The following ELF5 variants were observed in gnomAD, a reference collection of about 807,000 sequenced individuals.
ELF5 encodes the protein ETS-related transcription factor Elf-5.
ELF5 carries 31 observed loss-of-function variants against 38.2 expected under a neutral mutation model. That is an observed-to-expected ratio of 0.81 (90% CI 0.61 to 1.10). ELF5 has a LOEUF of 1.10. ELF5 is among the 50% of genes least tolerant of loss of function. The pLI, the probability that ELF5 is intolerant of heterozygous loss-of-function variation, is 0.00. For missense variants in ELF5, 300 were observed against 306.6 expected, an observed-to-expected ratio of 0.98 and a Z score of 0.16; for synonymous variants, 121 against 112.5, an observed-to-expected ratio of 1.08 and a Z score of -0.48.
chr11:34,506,175 G>A lies in ELF5; in HGVS notation c.-4-422C>T, dbSNP rs140251658. On this transcript the variant is annotated intron_variant, in intron 1 of 6. Coordinates refer to ENST00000257832, the MANE Select transcript of ELF5 (RefSeq NM_001422.4). ...CAGCCATAAGAAAGAACAAGATCAT[G>A]CCCTGTGCAGTAACACAGATGCAGC... is the stretch of plus-strand genomic sequence containing the variant. Among the ~76,000 whole-genome samples, 48 of 152,324 alleles carry A rather than the reference G, an allele frequency of 3.2e-4. 1 individual carries two copies. The East Asian group carries it at 8.1e-3, about 26-fold the overall frequency.
intron 5 of ELF5, among the ~76,000 whole-genome samples, chr11:34,482,107 G>A (rs1427185888): frequency 2.0e-5 from 3 of 152,118 alleles, no homozygotes; most frequent in Non-Finnish European, 4.4e-5. Context: ...TTGAACCCAG[G>A]GGGTTTTCAT....
Position 34,482,424 on chromosome 11 carries a change from CACTT to C in ELF5, c.475+3_475+6del, listed in dbSNP as rs771047665. 5 of 1,612,762 alleles carry C rather than the reference CACTT, an allele frequency of 3.1e-6. No individual in the cohort carries two copies. Among genetic ancestry groups the C allele is most frequent in the South Asian group, 1.1e-5 (1 of 90,846 alleles). The stretch of plus-strand genomic sequence containing the variant: ...AATTAGAATGAAAACTGGCATCCTG[CACTT>C]ACTTGTTCTACTATGACTGTGACAG... On this transcript the variant is annotated splice_donor_5th_base_variant and intron_variant, in intron 5 of 6. Coordinates refer to ENST00000257832, the MANE Select transcript of ELF5 (RefSeq NM_001422.4).
rs147700404 is a variant in ELF5, at chr11:34,493,234, C to T, written c.355+245G>A. The T allele has an allele frequency of 3.6e-4, 217 of 599,102 alleles. 1 individual carries two copies. The African/African-American group carries it at 3.7e-3, about 10-fold the overall frequency. The allele number at this position is 599,102 out of a possible 1,614,324, so 37.1% of individuals were successfully genotyped here. ...GCCTGGTGCCTGGGCAGTCCCTGAA[C>T]GTGGTGTCCGTTTTTCTTTCTCTTT... is the stretch of plus-strand genomic sequence containing the variant. On this transcript the variant is annotated intron_variant, in intron 3 of 6. Transcript: ENST00000257832.
Position 34,479,976 on chromosome 11 carries a change from A to T in ELF5, c.*242T>A. 2.0e-6 allele frequency: 1 copy of T among 502,316 alleles called. No individual in the cohort carries two copies. The highest frequency in any genetic ancestry group is 3.5e-6 in the Non-Finnish European group (1 of 283,574). The allele number at this position is 502,316 out of a possible 1,614,324, so 31.1% of individuals were successfully genotyped here. On this transcript the variant is annotated 3_prime_UTR_variant, in exon 7 of 7. Coordinates refer to ENST00000257832, the MANE Select transcript of ELF5 (RefSeq NM_001422.4). ...TAGGAAAATAAAGTTTGATCAAGAC[A>T]CCACAAAAGATCATCCCCTCATCCC...
chr11:34,508,949 AG>A lies in ELF5; in HGVS notation c.-4-3197del, dbSNP rs540596810. On this transcript the variant is annotated intron_variant, in intron 1 of 6. Transcript: ENST00000257832. ...TAGCAAATCAAACCTCAGTACTAAG[AG>A]GGGCAGGATTGTGTGATTCTGAAAC... is the stretch of plus-strand genomic sequence containing the variant. Among the ~76,000 whole-genome samples, 563 of 152,316 alleles carry A rather than the reference AG, an allele frequency of 3.7e-3. 1 individual carries two copies. Among genetic ancestry groups the A allele is most frequent in the Middle Eastern group, 0.017 (5 of 294 alleles).
intron 4 of ELF5, among the ~76,000 whole-genome samples, chr11:34,487,447 CCAT>C (rs1850027849): frequency 6.6e-6 from 1 of 152,186 alleles, no homozygotes; most frequent in Non-Finnish European, 1.5e-5. Context: ...GTCCAGGCCA[CCAT>C]CATCATCACT....
At chr11:34,488,977 G>A (rs903662617) in intron 4 of ELF5, among the ~76,000 whole-genome samples, 1 of 152,178 alleles carries the variant, frequency 6.6e-6, no homozygotes, top group African/African-American at 2.4e-5. Flanking sequence ...CCAGGAAACA[G>A]TGTGTGAGCT....
In ELF5 at chr11:34,505,888, C is replaced by T. The variant is rs1002812614; in HGVS notation, c.-4-135G>A. 9 of 1,072,634 alleles carry T rather than the reference C, an allele frequency of 8.4e-6. No homozygotes were observed. The Admixed American group carries it at 1.3e-4, about 16-fold the overall frequency. 66.4% of individuals were successfully genotyped at this position (1,072,634 alleles called of 1,614,324 possible). A position where few individuals can be genotyped will look rare whatever the true frequency, so the allele number is the denominator to read the frequency against. ...TATGTCACTCACTAGGAGCAGGCACCGCCTAGTGTCACCTACGAGTGACAT... is the reference window on the plus strand; with the variant it reads ...TATGTCACTCACTAGGAGCAGGCACTGCCTAGTGTCACCTACGAGTGACAT... On this transcript the variant is annotated intron_variant, in intron 1 of 6. Coordinates refer to ENST00000257832, the MANE Select transcript of ELF5 (RefSeq NM_001422.4).
At chr11:34,493,839 C>G (rs541465906) in intron 2 of ELF5, 127 bp from the exon 3 acceptor site, 23 of 763,200 alleles carry the variant, frequency 3.0e-5, no homozygotes, top group Non-Finnish European at 4.6e-5. Context: ...GCCTCCAGCC[C>G]TGGGTGTTCT....
At position 34,513,615 on chromosome 11, in the gene ELF5, C is replaced by T. The variant is rs150062199; in HGVS notation, c.-5+62G>A. On this transcript the variant is annotated intron_variant, in intron 1 of 6. Coordinates refer to ENST00000257832, the MANE Select transcript of ELF5 (RefSeq NM_001422.4). ...GGACGAGCAGACCCAGGCCCCAGGCCGAGCCTCTGAGCCCTGACACCCCTT... is the reference window on the plus strand; with the variant it reads ...GGACGAGCAGACCCAGGCCCCAGGCTGAGCCTCTGAGCCCTGACACCCCTT... The T allele has an allele frequency of 2.7e-3, 417 of 152,540 alleles. 4 individuals carry two copies. Among genetic ancestry groups the T allele is most frequent in the Middle Eastern group, 6.8e-3 (2 of 296 alleles). 9.4% of individuals were successfully genotyped at this position (152,540 alleles called of 1,614,324 possible).
chr11:34,502,826 G>A (rs1428239567), intron 2 of ELF5, among the ~76,000 whole-genome samples: 1 of 152,188 alleles, frequency 6.6e-6, no homozygotes, highest in Non-Finnish European at 1.5e-5. Flanking sequence ...CTTCGATATT[G>A]CCTGATGCAG....
intron 2 of ELF5, among the ~76,000 whole-genome samples, chr11:34,497,494 A>T (rs1374120627): frequency 2.0e-5 from 3 of 152,174 alleles, no homozygotes; most frequent in Non-Finnish European, 4.4e-5. Flanking sequence ...ATTCTAGGGG[A>T]ATTTTCACAA....
Position 34,479,565 on chromosome 11 carries a change from CT to C in ELF5, c.*652del, listed in dbSNP as rs1856878206. 6.6e-6 allele frequency: 1 copy of C among 152,080 alleles called. No individual in the cohort carries two copies. 9.4% of individuals were successfully genotyped at this position (152,080 alleles called of 1,614,324 possible). A position where few individuals can be genotyped will look rare whatever the true frequency, so the allele number is the denominator to read the frequency against. On this transcript the variant is annotated 3_prime_UTR_variant, in exon 7 of 7. Transcript: ENST00000257832. ...CTTAGCTCTTTCATTAATTAAGATA[CT>C]TTTCTGCCCAGGTGCCGTGGCTCAC...
intron 1 of ELF5, among the ~76,000 whole-genome samples, chr11:34,509,593 G>A (rs549257140): frequency 6.6e-6 from 1 of 151,590 alleles, no homozygotes; most frequent in Non-Finnish European, 1.5e-5. Context: ...CCCACGGATT[G>A]GCTGGTTTTA....
Position 34,503,476 on chromosome 11 carries a change from T to A in ELF5, c.121+2153A>T, listed in dbSNP as rs184951589. Among the ~76,000 whole-genome samples, 1,096 of 150,092 alleles carry A rather than the reference T, an allele frequency of 7.3e-3. 10 individuals are homozygous for A. Among genetic ancestry groups the A allele is most frequent in the Non-Finnish European group, 0.011 (717 of 67,504 alleles). On this transcript the variant is annotated intron_variant, in intron 2 of 6. Coordinates refer to ENST00000257832, the MANE Select transcript of ELF5 (RefSeq NM_001422.4). Reference sequence around the variant, plus strand: ...TGCCTGCTCCCCAACCTTTTTTTTTTATCTCACTGTCGCTCAGGCTGGAGT... The same window carrying A: ...TGCCTGCTCCCCAACCTTTTTTTTTAATCTCACTGTCGCTCAGGCTGGAGT...
intron 4 of ELF5, among the ~76,000 whole-genome samples, chr11:34,487,705 G>GT (rs1319817015): frequency 1.3e-5 from 2 of 152,000 alleles, no homozygotes; most frequent in African/African-American, 4.8e-5. Context: ...TACTGATGCC[G>GT]TGAGTGTTAT....
At position 34,505,784 on chromosome 11, in the gene ELF5, T is replaced by C. The variant is rs368926086; in HGVS notation, c.-4-31A>G. 5.5e-5 allele frequency: 89 copies of C among 1,606,600 alleles called. No individual in the cohort carries two copies. The African/African-American group carries it at 7.1e-4, about 13-fold the overall frequency. On this transcript the variant is annotated intron_variant, in intron 1 of 6. Transcript: ENST00000257832. The stretch of plus-strand genomic sequence containing the variant: ...ACAGCAGGAGAGGTCGTGAGGAGGC[T>C]GGGGTGAGGTACTCCTGAAGCCACA...
intron 4 of ELF5, among the ~76,000 whole-genome samples, chr11:34,488,864 C>G (rs1318047767): frequency 2.0e-5 from 3 of 152,194 alleles, no homozygotes; most frequent in Non-Finnish European, 4.4e-5. Context: ...GCTTCACAGG[C>G]TCATTTCTTC....
At chr11:34,485,981 G>A (rs1241708571) in intron 4 of ELF5, among the ~76,000 whole-genome samples, 1 of 152,162 alleles carries the variant, frequency 6.6e-6, no homozygotes, top group Non-Finnish European at 1.5e-5. Context: ...GGGGAGACAT[G>A]GCCCAGGCTC....
Sources: gnomAD v4.1 joint callset for allele counts (sites outside exome capture counted in the v4.1 genomes callset) on GRCh38, gnomAD v4.1.1 for gene constraint, MANE v1.5 for transcripts, NCBI Gene and HGNC (gene_info 2026-07-23, HGNC 2026-07-21) for gene names.